Variants in CNTN1 observed in about 807,000 individuals in gnomAD.
CNTN1 encodes the protein contactin 1, also known as contactin-1.
Under a neutral mutation model 126.4 loss-of-function variants are expected in CNTN1, and 38 were observed. The ratio of observed to expected loss-of-function variants is 0.30; its 90% CI spans 0.23 to 0.39. CNTN1 has a LOEUF of 0.39. CNTN1 is among the 10% of genes least tolerant of loss of function. The probability of loss-of-function intolerance (pLI) is 1.00; values close to 1 mark genes in which losing one functional copy is unlikely to be tolerated. For synonymous variants in CNTN1, 413 were observed against 422.6 expected (o/e 0.98, Z 0.28); for missense variants, 1,009 against 1,248.4 (o/e 0.81, Z 2.89).
intron 1 of CNTN1, among the ~76,000 whole-genome samples, chr12:40,725,996 T>C (rs1372227100): frequency 1.3e-5 from 2 of 151,686 alleles, no homozygotes; most frequent in Non-Finnish European, 2.9e-5. Context: ...AAGTCTTGAG[T>C]CAGCATTTGT....
chr12:40,985,893 CTGTT>C (rs549192800), intron 16 of CNTN1, among the ~76,000 whole-genome samples: 104 of 151,838 alleles, frequency 6.8e-4, no homozygotes, highest in African/African-American at 2.4e-3. Flanking sequence ...ACGCATGTGT[CTGTT>C]TATCTGCGTG....
In CNTN1 at chr12:40,936,826, T is replaced by C. The variant is rs1946097681; in HGVS notation, c.1031T>C (p.Ile344Thr). 1 of 1,613,338 alleles carries C rather than the reference T, an allele frequency of 6.2e-7. No individual in the cohort carries two copies. Among genetic ancestry groups the C allele is most frequent in the Non-Finnish European group, 8.5e-7 (1 of 1,179,416 alleles). ...CACATCAATGACACAGAGGTGGACA[T>C]AGGCAGTGATCTCTACTGGCCTTGT... ...VEHINDTEVD[I>T]GSDLYWPCVA... Residue 344 changes from isoleucine (I) to threonine (T), a missense_variant, in exon 10 of 24, where the codon ATA (isoleucine) becomes ACA (threonine). Transcript: ENST00000551295.
rs1224397865 is a variant in CNTN1 at position 40,912,960 on chromosome 12, G to A, written c.94+2855G>A. ...ATATTAGGATGTAGTAAGACGTGAG[G>A]TAGGTGTCAGAAGATGCCCAGCCAG... On this transcript the variant is annotated intron_variant, in intron 3 of 23. Transcript: ENST00000551295. Among the ~76,000 whole-genome samples, 4 of 152,158 alleles carry A rather than the reference G, an allele frequency of 2.6e-5. No homozygotes were observed. The East Asian group carries it at 5.8e-4, about 22-fold the overall frequency.
chr12:40,938,862 C>A (rs959578435), intron 11 of CNTN1, among the ~76,000 whole-genome samples: 2 of 152,122 alleles, frequency 1.3e-5, no homozygotes, highest in East Asian at 3.9e-4. Context: ...GCAGCCTTGA[C>A]CTTCTAGGTT....
At chr12:40,914,154 T>A (rs1424330681) in intron 3 of CNTN1, among the ~76,000 whole-genome samples, 2 of 152,180 alleles carry the variant, frequency 1.3e-5, no homozygotes, top group Admixed American at 1.3e-4. Context: ...AGCATCAAAA[T>A]TTGTCATCTA....
At chr12:40,822,061 C>A (rs1941455850) in intron 1 of CNTN1, among the ~76,000 whole-genome samples, 1 of 151,522 alleles carries the variant, frequency 6.6e-6, no homozygotes, top group Admixed American at 6.6e-5. Context: ...CCCTCCTCTG[C>A]TCCCCAGAAG....
intron 1 of CNTN1, among the ~76,000 whole-genome samples, chr12:40,746,516 A>G (rs988015381): frequency 6.6e-6 from 1 of 152,130 alleles, no homozygotes; most frequent in Non-Finnish European, 1.5e-5. Flanking sequence ...GAGCAGGAAC[A>G]AAAGGAAGGA....
At chr12:40,782,872 T>C (rs1939858626) in intron 1 of CNTN1, among the ~76,000 whole-genome samples, 1 of 151,914 alleles carries the variant, frequency 6.6e-6, no homozygotes, top group Non-Finnish European at 1.5e-5. Flanking sequence ...TATAAAATGA[T>C]GACTTAATCC....
chr12:40,738,461 TAAAC>T (rs1937795012), intron 1 of CNTN1, among the ~76,000 whole-genome samples: 3 of 152,166 alleles, frequency 2.0e-5, no homozygotes, highest in African/African-American at 7.2e-5. Context: ...AAGCATTTCT[TAAAC>T]AAATTACAGA....
rs527339123 is a variant in CNTN1, at chr12:40,869,839, T to C, written c.-76-38518T>C. 1.3e-3 allele frequency among the ~76,000 whole-genome samples: 191 copies of C among 152,312 alleles called. 3 individuals are homozygous for C. The South Asian group carries it at 0.039, about 31-fold the overall frequency. On this transcript the variant is annotated intron_variant, in intron 1 of 23. Transcript: ENST00000551295. The stretch of plus-strand genomic sequence containing the variant: ...TTTTGAGTTTCAAAGGTAAATGATA[T>C]ACTCTGAAGACAATTATTATTTTTC...
intron 6 of CNTN1, among the ~76,000 whole-genome samples, chr12:40,926,215 A>AGATAGATAGAT (rs1945689147): frequency 6.6e-6 from 1 of 151,720 alleles, no homozygotes; most frequent in Non-Finnish European, 1.5e-5. Context: ...ATAGATAGAT[A>AGATAGATAGAT]GATAGATATA....
intron 12 of CNTN1, among the ~76,000 whole-genome samples, chr12:40,939,949 T>C (rs981333966): frequency 1.3e-4 from 20 of 152,164 alleles, no homozygotes; most frequent in Non-Finnish European, 2.6e-4. Context: ...TATCTCAAAA[T>C]GAACAAGATG....
At chr12:40,749,515 T>G (rs1043743835) in intron 1 of CNTN1, among the ~76,000 whole-genome samples, 2 of 152,150 alleles carry the variant, frequency 1.3e-5, no homozygotes, top group Non-Finnish European at 1.5e-5. Flanking sequence ...ATTCAATATT[T>G]TTTTTGTTAA....
In CNTN1 at chr12:41,056,891, TATATTTAGATATTTATAAATATTTATA is replaced by T. The variant is rs1314374707; in HGVS notation, c.2981-13017_2981-12991del. Reference sequence around the variant, plus strand: ...TAAATATTTGGATATTTATAAATATTATATTTAGATATTTATAAATATTTATAATATTTAGATATTTATAAATATTTA... The same window carrying T: ...TAAATATTTGGATATTTATAAATATTATATTTAGATATTTATAAATATTTA... On this transcript the variant is annotated intron_variant, in intron 23 of 23. Coordinates refer to ENST00000551295, the MANE Select transcript of CNTN1 (RefSeq NM_001843.4). Among the ~76,000 whole-genome samples the T allele has an allele frequency of 1.9e-3, 208 of 107,848 alleles. 4 individuals are homozygous for T. The highest frequency in any genetic ancestry group is 4.5e-3 in the Middle Eastern group (1 of 220). The allele number at this position is 107,848 out of a possible 152,430, so 70.8% of individuals were successfully genotyped here. A position where few individuals can be genotyped will look rare whatever the true frequency, so the allele number is the denominator to read the frequency against.
intron 23 of CNTN1, among the ~76,000 whole-genome samples, chr12:41,052,661 C>A (rs1176815256): frequency 6.6e-6 from 1 of 151,786 alleles, no homozygotes; most frequent in East Asian, 1.9e-4. Context: ...TATTTTATCC[C>A]CCAAAGAACC....
intron 1 of CNTN1, among the ~76,000 whole-genome samples, chr12:40,771,056 A>G (rs1458943933): frequency 6.6e-6 from 1 of 152,098 alleles, no homozygotes; most frequent in Non-Finnish European, 1.5e-5. Context: ...GTTCATAATT[A>G]TAGTCTGTCC....
chr12:40,806,956 T>C (rs1333326353), intron 1 of CNTN1, among the ~76,000 whole-genome samples: 1 of 152,182 alleles, frequency 6.6e-6, no homozygotes, highest in Non-Finnish European at 1.5e-5. Flanking sequence ...CAATATTCTT[T>C]GCAGCTTTCT....
intron 9 of CNTN1, among the ~76,000 whole-genome samples, chr12:40,936,457 T>C (rs1007942338): frequency 6.6e-6 from 1 of 152,172 alleles, no homozygotes; most frequent in Non-Finnish European, 1.5e-5. Context: ...ACCTCAATTA[T>C]CATTTTGACA....
chr12:40,799,051 G>A (rs575415289), intron 1 of CNTN1, among the ~76,000 whole-genome samples: 12 of 151,482 alleles, frequency 7.9e-5, no homozygotes, highest in African/African-American at 1.5e-4. Flanking sequence ...TTAGGTTATC[G>A]GATCATTACT....
Sources: allele counts gnomAD v4.1 joint callset (sites outside exome capture counted in the v4.1 genomes callset), GRCh38; gene constraint gnomAD v4.1.1; transcripts MANE v1.5; gene names NCBI Gene and HGNC (gene_info 2026-07-23, HGNC 2026-07-21).